PDZRN3: variants seen among roughly 807,000 people sequenced by gnomAD.
PDZRN3 encodes PDZ domain containing ring finger 3, also known as E3 ubiquitin-protein ligase PDZRN3.
In PDZRN3, 38 loss-of-function variants were observed where a neutral mutation model predicts 85.7. The ratio of observed to expected loss-of-function variants is 0.44; its 90% CI spans 0.34 to 0.58. The LOEUF (loss-of-function observed/expected upper bound fraction) is 0.58. PDZRN3 is among the 20% of genes least tolerant of loss of function. The pLI, the probability that PDZRN3 is intolerant of heterozygous loss-of-function variation, is 0.01. For missense variants in PDZRN3, 1,629 were observed against 1,506.4 expected (o/e 1.08, Z -1.35); for synonymous variants, 759 against 638.0 (o/e 1.19, Z -2.86).
intron 3 of PDZRN3, among the ~76,000 whole-genome samples, chr3:73,483,394 A>C (rs1006365681): frequency 3.3e-5 from 5 of 152,210 alleles, no homozygotes; most frequent in Admixed American, 2.0e-4. Flanking sequence ...ATATCTTCAC[A>C]GTGCTGTTGG....
At chr3:73,500,126 G>A (rs1703948936) in intron 3 of PDZRN3, among the ~76,000 whole-genome samples, 1 of 152,054 alleles carries the variant, frequency 6.6e-6, no homozygotes. Flanking sequence ...CGTGATCATG[G>A]CTAACCGCAG....
chr3:73,588,009 C>A (rs1218467595), intron 3 of PDZRN3, among the ~76,000 whole-genome samples: 3 of 152,142 alleles, frequency 2.0e-5, no homozygotes, highest in African/African-American at 7.2e-5. Flanking sequence ...GCAGAACATG[C>A]AGGTTGTTTA....
chr3:73,396,121 G>T (rs1701630600), intron 5 of PDZRN3, among the ~76,000 whole-genome samples: 1 of 152,188 alleles, frequency 6.6e-6, no homozygotes, highest in African/African-American at 2.4e-5. Context: ...TACTTGGGAA[G>T]CTGAGGCAGG....
intron 3 of PDZRN3, among the ~76,000 whole-genome samples, chr3:73,482,182 T>C (rs1559701876): frequency 6.6e-6 from 1 of 152,244 alleles, no homozygotes; most frequent in South Asian, 2.1e-4. Context: ...TGCTCCCTTA[T>C]CAAGTTTGTT....
At chr3:73,543,923 G>A (rs1370402188) in intron 3 of PDZRN3, among the ~76,000 whole-genome samples, 1 of 152,172 alleles carries the variant, frequency 6.6e-6, no homozygotes, top group Non-Finnish European at 1.5e-5. Flanking sequence ...CATGTATAAA[G>A]AACTAATTTA....
intron 3 of PDZRN3, among the ~76,000 whole-genome samples, chr3:73,546,642 T>C (rs1379309646): frequency 1.3e-5 from 2 of 152,234 alleles, no homozygotes; most frequent in Non-Finnish European, 2.9e-5. Flanking sequence ...TTCCAACTTG[T>C]CTAAAACATT....
At chr3:73,495,164 CTTTACCCTGAAAAACAATCAT>C (rs1703844472) in intron 3 of PDZRN3, among the ~76,000 whole-genome samples, 1 of 152,184 alleles carries the variant, frequency 6.6e-6, no homozygotes, top group Non-Finnish European at 1.5e-5. Flanking sequence ...GTAACAATCA[CTTTACCCTGAAAAACAATCAT>C]TTTACAAAAT....
At chr3:73,492,983 C>CATTTTTT (rs1559707030) in intron 3 of PDZRN3, among the ~76,000 whole-genome samples, 1 of 29,368 alleles carries the variant, frequency 3.4e-5, no homozygotes, top group African/African-American at 6.0e-5. Context: ...GGCTTTTCAA[C>CATTTTTT]CTTTTTTTTT....
chr3:73,443,498 T>TTTTTGGG (rs57581231), intron 3 of PDZRN3, among the ~76,000 whole-genome samples: 5 of 129,106 alleles, frequency 3.9e-5, no homozygotes, highest in African/African-American at 2.0e-4. Context: ...TTTTTTTTTT[T>TTTTTGGG]GGGGGGGGGA....
At chr3:73,406,705 T>C (rs1329472493) in intron 3 of PDZRN3, among the ~76,000 whole-genome samples, 4 of 152,208 alleles carry the variant, frequency 2.6e-5, no homozygotes, top group Non-Finnish European at 5.9e-5. Flanking sequence ...TTTAACAGTA[T>C]ACAAATACCA....
At chr3:73,410,018 C>G (rs1269366665) in intron 3 of PDZRN3, among the ~76,000 whole-genome samples, 1 of 152,128 alleles carries the variant, frequency 6.6e-6, no homozygotes, top group East Asian at 1.9e-4. Context: ...TAAAATCCAA[C>G]TTTTATAGGG....
At chr3:73,588,224 G>C (rs1050596070) in intron 3 of PDZRN3, among the ~76,000 whole-genome samples, 18 of 152,080 alleles carry the variant, frequency 1.2e-4, no homozygotes, top group Non-Finnish European at 2.4e-4. Context: ...GAGGATGATG[G>C]CTTCCAGCTT....
At chr3:73,386,568 G>A (rs1444485769) in intron 8 of PDZRN3, among the ~76,000 whole-genome samples, 2 of 152,188 alleles carry the variant, frequency 1.3e-5, no homozygotes, top group Non-Finnish European at 2.9e-5. Flanking sequence ...GCACTCTATA[G>A]CCCATGGGCT....
At chr3:73,500,845 C>A (rs1703964377) in intron 3 of PDZRN3, among the ~76,000 whole-genome samples, 1 of 152,210 alleles carries the variant, frequency 6.6e-6, no homozygotes. Flanking sequence ...TTTCTTCACA[C>A]AGCCTAACTG....
At chr3:73,588,270 T>C (rs968517600) in intron 3 of PDZRN3, among the ~76,000 whole-genome samples, 2 of 152,234 alleles carry the variant, frequency 1.3e-5, no homozygotes, top group African/African-American at 4.8e-5. Context: ...ATCTCATTCC[T>C]TTTTATGGCT....
At chr3:73,405,457 TA>T (rs1270194823) in intron 3 of PDZRN3, among the ~76,000 whole-genome samples, 1 of 152,224 alleles carries the variant, frequency 6.6e-6, no homozygotes, top group Non-Finnish European at 1.5e-5. Context: ...TTGGACTGCA[TA>T]AAATGTATCA....
chr3:73,590,006 C>T (rs892363471), intron 3 of PDZRN3, among the ~76,000 whole-genome samples: 17 of 151,912 alleles, frequency 1.1e-4, no homozygotes, highest in African/African-American at 9.7e-5. Context: ...CAGCGGCTCA[C>T]GCATGTAATC....
intron 3 of PDZRN3, among the ~76,000 whole-genome samples, chr3:73,516,422 G>T (rs1704256875): frequency 6.6e-6 from 1 of 152,148 alleles, no homozygotes; most frequent in Non-Finnish European, 1.5e-5. Context: ...TCATTTGGTT[G>T]TGTATTTTCT....
At chr3:73,576,581 T>A (rs1487097220) in intron 3 of PDZRN3, among the ~76,000 whole-genome samples, 1 of 152,078 alleles carries the variant, frequency 6.6e-6, no homozygotes, top group Non-Finnish European at 1.5e-5. Context: ...GAATTCTAAG[T>A]CCCCCTAAGT....
Sources: allele counts gnomAD v4.1 joint callset (sites outside exome capture counted in the v4.1 genomes callset), GRCh38; gene constraint gnomAD v4.1.1; transcripts MANE v1.5; gene names NCBI Gene and HGNC (gene_info 2026-07-23, HGNC 2026-07-21).